EIF5A2: variants seen among roughly 807,000 people sequenced by gnomAD.
The protein encoded by EIF5A2 is eukaryotic translation initiation factor 5A-2.
A neutral mutation model predicts 16.4 loss-of-function variants in EIF5A2; 15 were observed. The observed-to-expected ratio is 0.92, with a 90% confidence interval of 0.61 to 1.41. The LOEUF (loss-of-function observed/expected upper bound fraction) is 1.41. Among genes scored for constraint, EIF5A2 ranks in the 40% most tolerant of loss-of-function variants. The pLI is 0.00. For synonymous variants in EIF5A2, 48 were observed against 61.1 expected, an observed-to-expected ratio of 0.79 and a Z score of 1.00; for missense variants, 144 against 189.5, an observed-to-expected ratio of 0.76 and a Z score of 1.41.
chr3:170,895,172 A>T (rs938025856), intron 3 of EIF5A2, among the ~76,000 whole-genome samples: 3 of 152,144 alleles, frequency 2.0e-5, no homozygotes, highest in Non-Finnish European at 4.4e-5. Flanking sequence ...ACATACTATT[A>T]CTGATTTAAC....
At chr3:170,906,109 G>A (rs1419435148) in intron 3 of EIF5A2, among the ~76,000 whole-genome samples, 1 of 152,082 alleles carries the variant, frequency 6.6e-6, no homozygotes, top group Non-Finnish European at 1.5e-5. Context: ...ACAACAAAGG[G>A]TACAGAAAAA....
At position 170,907,696 on chromosome 3, in the gene EIF5A2, TG is replaced by T. The variant is rs1358936279; in HGVS notation, c.110del (p.Pro37HisfsTer4). On this transcript the variant is annotated frameshift_variant, in exon 2 of 5. Coordinates refer to ENST00000295822, the MANE Select transcript of EIF5A2 (RefSeq NM_020390.6). LOFTEE classifies it high-confidence loss of function. ...AAGTTGACATCTCCACTATTTTGCA[TG>T]GTCGTCCTTTGAGCACCACGAAGCC... The part of the protein sequence containing the change: ...KNGFVVLKGR[P>X]CKIVEMSTSK... 1 of 1,610,948 alleles carries T rather than the reference TG, an allele frequency of 6.2e-7. No individual in the cohort carries two copies. Among genetic ancestry groups the T allele is most frequent in the Non-Finnish European group, 8.5e-7 (1 of 1,177,448 alleles).
At chr3:170,894,209 A>G (rs1342459077) in intron 4 of EIF5A2, 83 bp downstream of exon 4, 4 of 1,431,216 alleles carry the variant, frequency 2.8e-6, no homozygotes, top group Non-Finnish European at 3.9e-6. Flanking sequence ...ACCACATTCC[A>G]TATGTAGTAT....
intron 3 of EIF5A2, among the ~76,000 whole-genome samples, chr3:170,900,366 C>CAAAAAAAAAAAA (rs1168908597): frequency 1.6e-5 from 1 of 64,146 alleles, no homozygotes; most frequent in Non-Finnish European, 3.1e-5. Flanking sequence ...GACTCCATCT[C>CAAAAAAAAAAAA]AAAAAAAAAA....
chr3:170,902,262 A>G (rs1013142389), intron 3 of EIF5A2, among the ~76,000 whole-genome samples: 4 of 152,194 alleles, frequency 2.6e-5, no homozygotes, highest in African/African-American at 9.7e-5. Context: ...ATGGTTATGC[A>G]TTATATGATG....
At position 170,894,343 on chromosome 3, in the gene EIF5A2, A is replaced by G. The variant is rs141670906; in HGVS notation, c.351T>C (p.Gly117=). The G allele has an allele frequency of 6.2e-7, 1 of 1,613,800 alleles. No homozygotes were observed. Among genetic ancestry groups the G allele is most frequent in the South Asian group, 1.1e-5 (1 of 91,068 alleles). Residue 117 remains glycine, a synonymous_variant, in exon 4 of 5, where the codon GGT becomes GGC. Coordinates refer to ENST00000295822, the MANE Select transcript of EIF5A2 (RefSeq NM_020390.6). The stretch of plus-strand genomic sequence containing the variant: ...TTCCCTCTATTTCTTTGCCTAGTTC[A>G]CCTTCTGGCAGTTTAAGATCCTCAC... ...EVREDLKLPE[G]ELGKEIEGKY...
chr3:170,904,970 C>G (rs182186624), intron 3 of EIF5A2, among the ~76,000 whole-genome samples: 8 of 152,268 alleles, frequency 5.3e-5, no homozygotes, highest in African/African-American at 1.7e-4. Flanking sequence ...AGACTAGGAC[C>G]AGGCCTGCCT....
intron 3 of EIF5A2, among the ~76,000 whole-genome samples, chr3:170,895,284 A>C (rs868145380): frequency 1.3e-5 from 2 of 151,946 alleles, no homozygotes; most frequent in African/African-American, 2.4e-5. Flanking sequence ...TTTGGTCTTC[A>C]GTCAACAACA....
Position 170,907,855 on chromosome 3 carries a change from TTG to T in EIF5A2, c.-35-16_-35-15del. On this transcript the variant is annotated splice_polypyrimidine_tract_variant and intron_variant, in intron 1 of 4. Coordinates refer to ENST00000295822, the MANE Select transcript of EIF5A2 (RefSeq NM_020390.6). Reference sequence around the variant, plus strand: ...TTTCCGTGGGAACTACACAAAAAGTTTGTGTTTGCTTTTTAACAACGGGTATG... The same window carrying T: ...TTTCCGTGGGAACTACACAAAAAGTTTGTTTGCTTTTTAACAACGGGTATG... 1 of 1,482,944 alleles carries T rather than the reference TTG, an allele frequency of 6.7e-7. No individual in the cohort carries two copies. The highest frequency in any genetic ancestry group is 1.4e-5 in the South Asian group (1 of 72,088). The allele number at this position is 1,482,944 out of a possible 1,614,324, so 91.9% of individuals were successfully genotyped here.
intron 3 of EIF5A2, among the ~76,000 whole-genome samples, chr3:170,899,463 C>T (rs1020633645): frequency 6.6e-6 from 1 of 151,698 alleles, no homozygotes; most frequent in African/African-American, 2.4e-5. Context: ...CTGTGTTGCC[C>T]AGGCTGGTCT....
At chr3:170,906,489 T>G (rs1250935796) in intron 3 of EIF5A2, among the ~76,000 whole-genome samples, 1 of 152,202 alleles carries the variant, frequency 6.6e-6, no homozygotes, top group Non-Finnish European at 1.5e-5. Flanking sequence ...TACTTTATCC[T>G]TTATATTTAT....
chr3:170,902,901 G>A (rs1313466132), intron 3 of EIF5A2, among the ~76,000 whole-genome samples: 1 of 151,976 alleles, frequency 6.6e-6, no homozygotes, highest in Non-Finnish European at 1.5e-5. Flanking sequence ...CACTGTGCCC[G>A]GCCTCAGCTT....
At chr3:170,895,545 G>A (rs1244581624) in intron 3 of EIF5A2, among the ~76,000 whole-genome samples, 1 of 152,024 alleles carries the variant, frequency 6.6e-6, no homozygotes, top group Non-Finnish European at 1.5e-5. Flanking sequence ...ATCTACAAAA[G>A]GAGTCAAAGA....
rs67417067 is a variant in EIF5A2, at chr3:170,889,048, CTTTTTTTTTT to C, written c.*4302_*4311del. On this transcript the variant is annotated 3_prime_UTR_variant, in exon 5 of 5. Coordinates refer to ENST00000295822, the MANE Select transcript of EIF5A2 (RefSeq NM_020390.6). ...ACTTCATATAAATACAATAACCTGT[CTTTTTTTTTT>C]TTTTTTTTTTTTTGTAAAATAGGTT... 3 of 96,188 alleles carry C rather than the reference CTTTTTTTTTT, an allele frequency of 3.1e-5. No individual in the cohort carries two copies. The highest frequency in any genetic ancestry group is 5.7e-5 in the Non-Finnish European group (3 of 52,950). The allele number at this position is 96,188 out of a possible 1,614,324, so 6.0% of individuals were successfully genotyped here.
chr3:170,894,452 T>C (rs1403215527), intron 3 of EIF5A2, 29 bp from the exon 4 acceptor site: 1 of 1,609,432 alleles, frequency 6.2e-7, no homozygotes, highest in Non-Finnish European at 8.5e-7. Flanking sequence ...TCATTTGTGC[T>C]GATTAGATTA....
At position 170,889,818 on chromosome 3, in the gene EIF5A2, C is replaced by G. The variant is rs1293011027; in HGVS notation, c.*3542G>C. On this transcript the variant is annotated 3_prime_UTR_variant, in exon 5 of 5. Transcript: ENST00000295822. The stretch of plus-strand genomic sequence containing the variant: ...GGGGTCCATGCCAAAGGAATGCTTT[C>G]AGATGTATCCTAAGGATAGGATTCT... 1 of 152,420 alleles carries G rather than the reference C, an allele frequency of 6.6e-6. No individual in the cohort carries two copies. The highest frequency in any genetic ancestry group is 1.5e-5 in the Non-Finnish European group (1 of 67,970). 9.4% of individuals were successfully genotyped at this position (152,420 alleles called of 1,614,324 possible).
At chr3:170,898,317 A>T (rs1383715178) in intron 3 of EIF5A2, among the ~76,000 whole-genome samples, 1 of 152,196 alleles carries the variant, frequency 6.6e-6, no homozygotes, top group African/African-American at 2.4e-5. Flanking sequence ...GGGGCCAGGG[A>T]CAGAATAATA....
At chr3:170,899,960 T>C (rs953944888) in intron 3 of EIF5A2, among the ~76,000 whole-genome samples, 37 of 151,528 alleles carry the variant, frequency 2.4e-4, no homozygotes, top group African/African-American at 8.0e-4. Context: ...AAAGTAATTA[T>C]TGTTAGTAGC....
rs1712445324 is a variant in EIF5A2 at position 170,888,670 on chromosome 3, TCTC to T, written c.*4687_*4689del. On this transcript the variant is annotated 3_prime_UTR_variant, in exon 5 of 5. Coordinates refer to ENST00000295822, the MANE Select transcript of EIF5A2 (RefSeq NM_020390.6). ...AGTTTCTGCAGGTAAAAGCAATAGT[TCTC>T]CTGTATCTAAGAAAAAAAAATGTAT... 6.6e-6 allele frequency: 1 copy of T among 152,268 alleles called. No homozygotes were observed. Among genetic ancestry groups the T allele is most frequent in the Admixed American group, 6.6e-5 (1 of 15,224 alleles). 9.4% of individuals were successfully genotyped at this position (152,268 alleles called of 1,614,324 possible).
Sources: gnomAD v4.1 joint callset for allele counts (sites outside exome capture counted in the v4.1 genomes callset) on GRCh38, gnomAD v4.1.1 for gene constraint, MANE v1.5 for transcripts, NCBI Gene and HGNC (gene_info 2026-07-23, HGNC 2026-07-21) for gene names.